ELL: variants seen among roughly 807,000 people sequenced by gnomAD.
ELL encodes elongation factor for RNA polymerase II.
Under a neutral mutation model 64.0 loss-of-function variants are expected in ELL, and 18 were observed. That is an observed-to-expected ratio of 0.28 (90% CI 0.19 to 0.42). The LOEUF (loss-of-function observed/expected upper bound fraction) is 0.42. Ranked by LOEUF, ELL falls within the 10% of genes least tolerant of loss-of-function variation. The pLI, the probability that ELL is intolerant of heterozygous loss-of-function variation, is 1.00. For missense variants in ELL, 797 were observed against 870.4 expected, an observed-to-expected ratio of 0.92 and a Z score of 1.06; for synonymous variants, 399 against 376.2, an observed-to-expected ratio of 1.06 and a Z score of -0.70.
At chr19:18,513,060 C>T (rs1361840204) in intron 1 of ELL, among the ~76,000 whole-genome samples, 1 of 152,182 alleles carries the variant, frequency 6.6e-6, no homozygotes, top group South Asian at 2.1e-4. Flanking sequence ...ATCTGAAGAA[C>T]GGTGAGAAGG....
rs1974324111 is a variant in ELL, at chr19:18,442,887, G to GT, written c.*1864dup. ...TACAACATTAAAAGAAAAAAAAATA[G>GT]TATCAATAAGTTAGACCATATTTAA... On this transcript the variant is annotated 3_prime_UTR_variant, in exon 12 of 12. Coordinates refer to ENST00000262809, the MANE Select transcript of ELL (RefSeq NM_006532.4). 8.8e-6 allele frequency: 2 copies of GT among 226,516 alleles called. No individual in the cohort carries two copies. The highest frequency in any genetic ancestry group is 5.7e-5 in the Admixed American group (1 of 17,504). The allele number at this position is 226,516 out of a possible 1,614,324, so 14.0% of individuals were successfully genotyped here.
Position 18,444,725 on chromosome 19 carries a change from C to T in ELL, c.*27G>A, listed in dbSNP as rs1974373612. ...ACCGCCTTTTGCTCCCCCGACCCTCCCAGATCCCCGCCATCGGGGAGGGCG... is the reference window on the plus strand; with the variant it reads ...ACCGCCTTTTGCTCCCCCGACCCTCTCAGATCCCCGCCATCGGGGAGGGCG... On this transcript the variant is annotated 3_prime_UTR_variant, in exon 12 of 12. Transcript: ENST00000262809. The T allele has an allele frequency of 6.3e-7, 1 of 1,581,486 alleles. No homozygotes were observed. Among genetic ancestry groups the T allele is most frequent in the South Asian group, 1.1e-5 (1 of 89,762 alleles).
chr19:18,508,609 T>G (rs1975934542), intron 1 of ELL, among the ~76,000 whole-genome samples: 3 of 152,152 alleles, frequency 2.0e-5, no homozygotes, highest in Non-Finnish European at 4.4e-5. Context: ...ACGACAGTGG[T>G]TCCATTAACA....
In ELL at chr19:18,449,730, A is replaced by G. The variant is rs1211967401; in HGVS notation, c.1465+747T>C. 6.6e-6 allele frequency among the ~76,000 whole-genome samples: 1 copy of G among 152,184 alleles called. No homozygotes were observed. The highest frequency in any genetic ancestry group is 2.4e-5 in the African/African-American group (1 of 41,432). ...ATCTGCAACTGGCCGCCATCGCCAC[A>G]TGGGACCACTGCAGCCCCTGTCGCA... On this transcript the variant is annotated intron_variant, in intron 8 of 11. Coordinates refer to ENST00000262809, the MANE Select transcript of ELL (RefSeq NM_006532.4). This position sits in a 1 kb window ranked among gnomAD's most constrained non-coding sequence, Gnocchi z 4.4.
rs1228410328 is a variant in ELL at position 18,449,192 on chromosome 19, G to A, written c.1465+1285C>T. Among the ~76,000 whole-genome samples the A allele has an allele frequency of 1.3e-5, 2 of 152,164 alleles. No homozygotes were observed. The highest frequency in any genetic ancestry group is 3.9e-4 in the East Asian group (2 of 5,190). On this transcript the variant is annotated intron_variant, in intron 8 of 11. Transcript: ENST00000262809. This position sits in a 1 kb window ranked among gnomAD's most constrained non-coding sequence, Gnocchi z 4.4. ...TCCCCAGGCCTGTCTTGGCACCTAG[G>A]CACTGGGCATCCAAGGAAGGGACAC...
Position 18,443,586 on chromosome 19 carries a change from G to T in ELL, c.*1166C>A, listed in dbSNP as rs180981670. On this transcript the variant is annotated 3_prime_UTR_variant, in exon 12 of 12. Coordinates refer to ENST00000262809, the MANE Select transcript of ELL (RefSeq NM_006532.4). ...CATGCCCTGGGGGGTCCCCACATACGCACACTCACACACCCACACTTGCGT... is the reference window on the plus strand; with the variant it reads ...CATGCCCTGGGGGGTCCCCACATACTCACACTCACACACCCACACTTGCGT... The T allele has an allele frequency of 5.0e-4, 116 of 233,286 alleles. 1 individual carries two copies. The highest frequency in any genetic ancestry group is 2.1e-3 in the African/African-American group (96 of 45,392). The allele number at this position is 233,286 out of a possible 1,614,324, so 14.5% of individuals were successfully genotyped here.
At position 18,444,002 on chromosome 19, in the gene ELL, GC is replaced by G; in HGVS notation, c.*749del. The G allele has an allele frequency of 4.3e-6, 1 of 232,266 alleles. No individual in the cohort carries two copies. The highest frequency in any genetic ancestry group is 2.2e-5 in the African/African-American group (1 of 45,402). The allele number at this position is 232,266 out of a possible 1,614,324, so 14.4% of individuals were successfully genotyped here. ...CAACTTGGAGCACAGAAACACAGTG[GC>G]CCCCGACAGCTGAGGGCCTGAAATA... On this transcript the variant is annotated 3_prime_UTR_variant, in exon 12 of 12. Transcript: ENST00000262809.
At chr19:18,446,109 C>G in intron 10 of ELL, 200 bp downstream of exon 10, 1 of 660,304 alleles carries the variant, frequency 1.5e-6, no homozygotes, top group Non-Finnish European at 2.5e-6. Flanking sequence ...GCTGGGCTGC[C>G]TTCAAGGACT....
rs201621468 is a variant in ELL, at chr19:18,446,859, C to T, written c.1466-45G>A. 8.5e-5 allele frequency: 137 copies of T among 1,608,392 alleles called. 1 individual carries two copies. In the African/African-American group the frequency reaches 1.4e-3, roughly 16 times the overall value. On this transcript the variant is annotated intron_variant, in intron 8 of 11. Coordinates refer to ENST00000262809, the MANE Select transcript of ELL (RefSeq NM_006532.4). ...CCTCCTGAGTCTGCGCCCATGGCAC[C>T]GGTCGGCAGGAAGCACGCCAGGATG... is the stretch of plus-strand genomic sequence containing the variant.
At chr19:18,495,882 C>A (rs889591490) in intron 1 of ELL, among the ~76,000 whole-genome samples, 1 of 152,234 alleles carries the variant, frequency 6.6e-6, no homozygotes, top group Non-Finnish European at 1.5e-5. Flanking sequence ...CTCTTCTGAT[C>A]TTACCTTGGA....
chr19:18,487,097 A>T (rs1348299825), intron 1 of ELL, among the ~76,000 whole-genome samples: 1 of 152,136 alleles, frequency 6.6e-6, no homozygotes, highest in Non-Finnish European at 1.5e-5. Flanking sequence ...GTGCGTGTAG[A>T]CCCTGCTGCT....
rs751392970 is a variant in ELL at position 18,444,877 on chromosome 19, C to T, written c.1750-9G>A. On this transcript the variant is annotated splice_polypyrimidine_tract_variant and intron_variant, in intron 11 of 11. Coordinates refer to ENST00000262809, the MANE Select transcript of ELL (RefSeq NM_006532.4). ...CTGTAGTTGGTGTTGGTCTGTGGGA[C>T]AGCACAGTCATGCTCAGGACAGAGC... The T allele has an allele frequency of 3.7e-6, 6 of 1,609,246 alleles. No individual in the cohort carries two copies. The African/African-American group carries it at 4.0e-5, about 11-fold the overall frequency.
At chr19:18,494,251 G>GGGGAAGGGGAGGGGAA (rs1359129808) in intron 1 of ELL, among the ~76,000 whole-genome samples, 1 of 151,884 alleles carries the variant, frequency 6.6e-6, no homozygotes, top group African/African-American at 2.4e-5. Flanking sequence ...AAAGAGGGGA[G>GGGGAAGGGGAGGGGAA]GGGAAGGGGA....
intron 2 of ELL, among the ~76,000 whole-genome samples, chr19:18,468,560 C>T (rs1974999406): frequency 6.6e-6 from 1 of 152,222 alleles, no homozygotes; most frequent in Non-Finnish European, 1.5e-5. Context: ...ATGAGCCAGC[C>T]AGGGAAGCTG....
intron 6 of ELL, among the ~76,000 whole-genome samples, chr19:18,455,004 G>C (rs1272918640): frequency 1.3e-5 from 2 of 150,844 alleles, no homozygotes; most frequent in Non-Finnish European, 3.0e-5. Flanking sequence ...AGCCGGGCAT[G>C]GTGGTGCATG....
intron 5 of ELL, among the ~76,000 whole-genome samples, chr19:18,460,503 C>A (rs1016198360): frequency 6.6e-6 from 1 of 152,164 alleles, no homozygotes; most frequent in Non-Finnish European, 1.5e-5. Flanking sequence ...ATGACTCCAT[C>A]GAGCTCCCTT....
chr19:18,452,216 T>C (rs1268453110), intron 6 of ELL, among the ~76,000 whole-genome samples: 1 of 152,182 alleles, frequency 6.6e-6, no homozygotes, highest in African/African-American at 2.4e-5. Context: ...CTGCAGCTTA[T>C]GGGTATCCTC....
At chr19:18,488,733 T>C (rs1975467915) in intron 1 of ELL, among the ~76,000 whole-genome samples, 1 of 151,980 alleles carries the variant, frequency 6.6e-6, no homozygotes, top group Non-Finnish European at 1.5e-5. Context: ...GGGGCCAACT[T>C]TAAGCAAAGG....
At chr19:18,493,730 C>G (rs1975583592) in intron 1 of ELL, among the ~76,000 whole-genome samples, 1 of 152,190 alleles carries the variant, frequency 6.6e-6, no homozygotes, top group Non-Finnish European at 1.5e-5. Context: ...TGCCCAGCTC[C>G]CTAACAGGGG....
Sources: gnomAD v4.1 joint callset for allele counts (sites outside exome capture counted in the v4.1 genomes callset) on GRCh38, gnomAD v4.1.1 for gene constraint, Gnocchi (gnomAD v3.1) non-coding constraint, MANE v1.5 for transcripts, NCBI Gene and HGNC (gene_info 2026-07-23, HGNC 2026-07-21) for gene names.